MAPK14: variants seen among roughly 807,000 people sequenced by gnomAD.
The protein encoded by MAPK14 is mitogen-activated protein kinase 14.
In MAPK14, 16 loss-of-function variants were observed where a neutral mutation model predicts 49.6. The observed-to-expected ratio is 0.32, with a 90% CI of 0.22 to 0.49. The LOEUF is 0.49. MAPK14 is among the 20% of genes least tolerant of loss of function. The pLI is 0.99. For synonymous variants in MAPK14, 142 were observed against 158.0 expected, an observed-to-expected ratio of 0.90 and a Z score of 0.76; for missense variants, 200 against 441.2, an observed-to-expected ratio of 0.45 and a Z score of 4.90.
intron 9 of MAPK14, among the ~76,000 whole-genome samples, chr6:36,101,070 ACTTT>A (rs1765617005): frequency 6.6e-6 from 1 of 152,166 alleles, no homozygotes; most frequent in Non-Finnish European, 1.5e-5. Flanking sequence ...AATTCCTAAA[ACTTT>A]CTTTTCAAAT....
At chr6:36,080,912 G>A (rs2127450894) in intron 8 of MAPK14, among the ~76,000 whole-genome samples, 1 of 151,144 alleles carries the variant, frequency 6.6e-6, no homozygotes, top group South Asian at 2.1e-4. Context: ...GTTTTGATTT[G>A]CATTTCTCTC....
chr6:36,030,493 C>A (rs1236096885), intron 1 of MAPK14, among the ~76,000 whole-genome samples: 1 of 152,020 alleles, frequency 6.6e-6, no homozygotes, highest in African/African-American at 2.4e-5. Context: ...CGAGACCATC[C>A]TGGCTAACAC....
intron 8 of MAPK14, among the ~76,000 whole-genome samples, chr6:36,078,495 T>G (rs1027107358): frequency 6.6e-6 from 1 of 152,194 alleles, no homozygotes; most frequent in Non-Finnish European, 1.5e-5. Context: ...ACCTTTGTGG[T>G]CCTGTCTCAC....
chr6:36,046,368 T>G (rs1763179266), intron 1 of MAPK14, among the ~76,000 whole-genome samples: 3 of 152,244 alleles, frequency 2.0e-5, no homozygotes, highest in Admixed American at 1.3e-4. Flanking sequence ...AATTTCATTT[T>G]ATGATGTTGT....
intron 1 of MAPK14, among the ~76,000 whole-genome samples, chr6:36,039,962 C>T (rs1762898902): frequency 6.7e-6 from 1 of 149,878 alleles, no homozygotes; most frequent in Non-Finnish European, 1.5e-5. Context: ...CTCCCCTGCA[C>T]TCCTGTCTGG....
intron 1 of MAPK14, among the ~76,000 whole-genome samples, chr6:36,037,315 T>G (rs1762791042): frequency 6.6e-6 from 1 of 152,206 alleles, no homozygotes; most frequent in Middle Eastern, 3.4e-3. Flanking sequence ...TTTTAATAAT[T>G]TATTATAGGG....
downstream of MAPK14, among the ~76,000 whole-genome samples, chr6:36,115,001 G>A (rs117951131): frequency 6.6e-6 from 1 of 152,300 alleles, no homozygotes; most frequent in East Asian, 1.9e-4. Context: ...TCTGCATCTG[G>A]GAACAGTGTG....
In MAPK14 at chr6:36,027,966, G is replaced by A; in HGVS notation, c.-192G>A. 2.3e-6 allele frequency: 1 copy of A among 438,246 alleles called. No homozygotes were observed. Among genetic ancestry groups the A allele is most frequent in the Non-Finnish European group, 4.0e-6 (1 of 252,866 alleles). The allele number at this position is 438,246 out of a possible 1,614,324, so 27.1% of individuals were successfully genotyped here. A position where few individuals can be genotyped will look rare whatever the true frequency, so the allele number is the denominator to read the frequency against. On this transcript the variant is annotated 5_prime_UTR_variant, in exon 1 of 12. Coordinates refer to ENST00000229794, the MANE Select transcript of MAPK14 (RefSeq NM_139012.3). ...AGCGGGGCTTGCCCCAGTCGCAGGG[G>A]CACATCCAGCCGCTGCGGCTGACAG...
At chr6:36,065,205 C>T (rs1236512632) in intron 3 of MAPK14, among the ~76,000 whole-genome samples, 1 of 152,206 alleles carries the variant, frequency 6.6e-6, no homozygotes, top group African/African-American at 2.4e-5. Flanking sequence ...TCTGTCTTCT[C>T]CCTTTCTTTG....
chr6:36,093,302 T>G (rs1765312143), intron 8 of MAPK14, among the ~76,000 whole-genome samples: 1 of 152,108 alleles, frequency 6.6e-6, no homozygotes, highest in Non-Finnish European at 1.5e-5. Context: ...GTTTCTCAGC[T>G]CATTGATGTA....
chr6:36,079,242 A>G (rs774521457), intron 8 of MAPK14, among the ~76,000 whole-genome samples: 4 of 152,166 alleles, frequency 2.6e-5, no homozygotes, highest in Admixed American at 2.6e-4. Context: ...CATAGGCCAC[A>G]ATTTCTTTTC....
At chr6:36,120,199 C>T in the MAPK14 span, among the ~76,000 whole-genome samples, 1 of 152,162 alleles carries the variant, frequency 6.6e-6, no homozygotes, top group Non-Finnish European at 1.5e-5. Context: ...GGGTTAAATA[C>T]GTTAACCAAT....
At chr6:36,086,293 A>G (rs189299196) in intron 8 of MAPK14, among the ~76,000 whole-genome samples, 73 of 152,214 alleles carry the variant, frequency 4.8e-4, no homozygotes, top group African/African-American at 1.4e-3. Flanking sequence ...AGGACAAGAA[A>G]TAACCAAGAT....
At chr6:36,096,300 G>T in intron 9 of MAPK14, 1 of 430,616 alleles carries the variant, frequency 2.3e-6, no homozygotes, top group South Asian at 4.9e-5. Context: ...AAGATCACGG[G>T]AGCCTCCATT....
chr6:36,052,624 T>C (rs1763446105), intron 1 of MAPK14, 75 bp from the exon 2 acceptor site: 1 of 1,384,050 alleles, frequency 7.2e-7, no homozygotes. Context: ...AATTTGGAAA[T>C]AGCCTTATAA....
chr6:36,076,154 C>T (rs1053102005), intron 7 of MAPK14, among the ~76,000 whole-genome samples, 192 bp downstream of exon 7: 2 of 152,078 alleles, frequency 1.3e-5, no homozygotes, highest in African/African-American at 2.4e-5. Flanking sequence ...GCTTTTAAAC[C>T]TTGTGATTTA....
In MAPK14 at chr6:36,028,847, T is replaced by C. The variant is rs1581716856; in HGVS notation, c.116+574T>C. ...GTCGAAATCCCATCTTGAAAAGCGT[T>C]CTTTTTGAATTCGCACTTGAATTAA... is the stretch of plus-strand genomic sequence containing the variant. On this transcript the variant is annotated intron_variant, in intron 1 of 11. Transcript: ENST00000229794. This position sits in a 1 kb window ranked among gnomAD's most constrained non-coding sequence, Gnocchi z 5.1. Among the ~76,000 whole-genome samples the C allele has an allele frequency of 2.0e-5, 3 of 149,866 alleles. No individual in the cohort carries two copies.
Position 36,080,348 on chromosome 6 carries a change from T to G in MAPK14, c.682+3740T>G, listed in dbSNP as rs142980564. On this transcript the variant is annotated intron_variant, in intron 8 of 11. Transcript: ENST00000229794. ...TTTTCATCACCGCAGATGGAAACACTCAGCCCGTGAAACAGTAACTTCCCA... is the reference window on the plus strand; with the variant it reads ...TTTTCATCACCGCAGATGGAAACACGCAGCCCGTGAAACAGTAACTTCCCA... 2.9e-3 allele frequency among the ~76,000 whole-genome samples: 441 copies of G among 152,292 alleles called. 3 individuals are homozygous for G. The highest frequency in any genetic ancestry group is 1.0e-2 in the African/African-American group (415 of 41,568).
At chr6:36,081,476 G>A (rs1441211159) in intron 8 of MAPK14, among the ~76,000 whole-genome samples, 2 of 152,154 alleles carry the variant, frequency 1.3e-5, no homozygotes, top group East Asian at 3.9e-4. Context: ...TGATACCCTA[G>A]GATTTCTCCT....
Sources: allele counts gnomAD v4.1 joint callset (sites outside exome capture counted in the v4.1 genomes callset), GRCh38; gene constraint gnomAD v4.1.1; non-coding constraint Gnocchi (gnomAD v3.1); transcripts MANE v1.5; gene names NCBI Gene and HGNC (gene_info 2026-07-23, HGNC 2026-07-21).